CNTNAP5: variants seen among roughly 807,000 people sequenced by gnomAD.
CNTNAP5 encodes contactin associated protein family member 5.
In CNTNAP5, 72 loss-of-function variants were observed where a neutral mutation model predicts 150.2. That is an observed-to-expected ratio of 0.48 (90% confidence interval 0.40 to 0.58). The LOEUF (loss-of-function observed/expected upper bound fraction) is 0.58. CNTNAP5 is among the 20% of genes least tolerant of loss of function. The pLI is 0.00. For synonymous variants in CNTNAP5, 672 were observed against 619.8 expected (o/e 1.08, Z -1.25); for missense variants, 1,636 against 1,626.2 (o/e 1.01, Z -0.10).
At chr2:124,432,116 G>A (rs934877984) in intron 4 of CNTNAP5, among the ~76,000 whole-genome samples, 1 of 152,192 alleles carries the variant, frequency 6.6e-6, no homozygotes, top group African/African-American at 2.4e-5. Flanking sequence ...CATGGCATGT[G>A]ATAGCAAAAA....
At chr2:124,441,876 T>G (rs1434626501) in intron 5 of CNTNAP5, among the ~76,000 whole-genome samples, 1 of 151,982 alleles carries the variant, frequency 6.6e-6, no homozygotes, top group Admixed American at 6.6e-5. Flanking sequence ...TATATATATA[T>G]GTACTAAGTA....
intron 1 of CNTNAP5, among the ~76,000 whole-genome samples, chr2:124,216,122 G>C (rs927646209): frequency 1.3e-5 from 2 of 152,120 alleles, no homozygotes; most frequent in Non-Finnish European, 2.9e-5. Context: ...GCAAAGTTAC[G>C]CAAACAGGAC....
intron 1 of CNTNAP5, among the ~76,000 whole-genome samples, chr2:124,205,626 C>A (rs1807860): frequency 0.46 from 70,339 of 151,770 alleles, 16,559 homozygotes; most frequent in East Asian, 0.6. Flanking sequence ...ACCATGTTGG[C>A]CAGCTTGTCT....
intron 21 of CNTNAP5, among the ~76,000 whole-genome samples, chr2:124,898,878 A>G (rs1286064637): frequency 6.6e-6 from 1 of 151,566 alleles, no homozygotes; most frequent in Non-Finnish European, 1.5e-5. Flanking sequence ...TCCTAACAGT[A>G]TGCTTTCATT....
chr2:124,867,514 T>A (rs148525252), intron 20 of CNTNAP5, among the ~76,000 whole-genome samples: 2 of 152,316 alleles, frequency 1.3e-5, no homozygotes, highest in Non-Finnish European at 2.9e-5. Context: ...ACAACTGACA[T>A]AGGGATTCCT....
intron 1 of CNTNAP5, among the ~76,000 whole-genome samples, chr2:124,211,732 AC>A (rs1293219306): frequency 2.0e-5 from 3 of 152,112 alleles, no homozygotes; most frequent in Non-Finnish European, 4.4e-5. Context: ...CCAGTACTCA[AC>A]TCAAGCCTAT....
At chr2:124,123,926 AG>A in intron 1 of CNTNAP5, among the ~76,000 whole-genome samples, 1 of 152,294 alleles carries the variant, frequency 6.6e-6, no homozygotes, top group Non-Finnish European at 1.5e-5. Context: ...CAAAGACCAA[AG>A]GTAGTTAAAA....
intron 1 of CNTNAP5, among the ~76,000 whole-genome samples, chr2:124,102,416 C>A (rs1195834529): frequency 6.6e-6 from 1 of 152,136 alleles, no homozygotes; most frequent in Non-Finnish European, 1.5e-5. Context: ...AGGAACACAG[C>A]GCCAGAAGTT....
At chr2:124,756,582 C>T (rs1680845218) in intron 14 of CNTNAP5, among the ~76,000 whole-genome samples, 1 of 152,150 alleles carries the variant, frequency 6.6e-6, no homozygotes, top group Admixed American at 6.6e-5. Context: ...ACTATGCAGT[C>T]ATAAAAGTGA....
chr2:124,716,262 C>T (rs894517115), intron 13 of CNTNAP5, among the ~76,000 whole-genome samples: 1 of 152,122 alleles, frequency 6.6e-6, no homozygotes, highest in African/African-American at 2.4e-5. Flanking sequence ...CAATTTTTCT[C>T]ATGGTAATAA....
chr2:124,562,965 A>G (rs897142269), intron 10 of CNTNAP5, among the ~76,000 whole-genome samples: 1 of 152,210 alleles, frequency 6.6e-6, no homozygotes, highest in Admixed American at 6.5e-5. Flanking sequence ...CTCAATATTA[A>G]CATCCTTAAC....
chr2:124,074,092 A>C (rs1157238986), intron 1 of CNTNAP5, among the ~76,000 whole-genome samples: 1 of 152,172 alleles, frequency 6.6e-6, no homozygotes, highest in Non-Finnish European at 1.5e-5. Context: ...AGGCACAGAA[A>C]GACAGACTTT....
At chr2:124,708,011 A>G (rs954888116) in intron 13 of CNTNAP5, among the ~76,000 whole-genome samples, 1 of 152,234 alleles carries the variant, frequency 6.6e-6, no homozygotes, top group Admixed American at 6.5e-5. Context: ...TAATATGTCA[A>G]GTAACTAGTT....
At chr2:124,658,069 G>GT (rs879423903) in intron 13 of CNTNAP5, among the ~76,000 whole-genome samples, 1 of 152,156 alleles carries the variant, frequency 6.6e-6, no homozygotes, top group Non-Finnish European at 1.5e-5. Context: ...GGCACCTAGG[G>GT]ACAATTGAGT....
chr2:124,435,287 C>A (rs1429002640), intron 5 of CNTNAP5, among the ~76,000 whole-genome samples: 2 of 152,074 alleles, frequency 1.3e-5, no homozygotes, highest in Non-Finnish European at 2.9e-5. Flanking sequence ...TGGCCTTCCA[C>A]TGTGGGCTGG....
intron 10 of CNTNAP5, among the ~76,000 whole-genome samples, chr2:124,533,286 A>AG (rs141591958): frequency 0.078 from 11,807 of 152,188 alleles, 634 homozygotes; most frequent in Middle Eastern, 0.16. Flanking sequence ...CCTGAGAGTG[A>AG]GGGTCTCTTT....
chr2:124,062,327 C>A (rs1340573987), intron 1 of CNTNAP5, among the ~76,000 whole-genome samples: 2 of 152,154 alleles, frequency 1.3e-5, no homozygotes, highest in Non-Finnish European at 2.9e-5. Flanking sequence ...CTTTATTGTA[C>A]CATTTTCTTT....
chr2:124,028,566 A>T (rs1042535097), intron 1 of CNTNAP5, among the ~76,000 whole-genome samples: 1 of 152,174 alleles, frequency 6.6e-6, no homozygotes, highest in Non-Finnish European at 1.5e-5. Context: ...AGGATATTAA[A>T]TAGCTACAAT....
At chr2:124,597,676 T>G (rs1319680386) in intron 11 of CNTNAP5, among the ~76,000 whole-genome samples, 1 of 150,838 alleles carries the variant, frequency 6.6e-6, no homozygotes, top group Non-Finnish European at 1.5e-5. Flanking sequence ...ATTTCCTGAA[T>G]CTGAACGTTG....
Sources: allele counts gnomAD v4.1 joint callset (sites outside exome capture counted in the v4.1 genomes callset), GRCh38; gene constraint gnomAD v4.1.1; transcripts MANE v1.5; gene names NCBI Gene and HGNC (gene_info 2026-07-23, HGNC 2026-07-21).